The following SYNE2 variants were observed in gnomAD, a reference collection of about 807,000 sequenced individuals.
SYNE2 encodes the protein nesprin-2.
Under a neutral mutation model 856.3 loss-of-function variants are expected in SYNE2, and 431 were observed. The observed-to-expected ratio is 0.50, with a 90% CI of 0.47 to 0.55. The LOEUF is 0.55. Ranked by LOEUF, SYNE2 falls within the 20% of genes least tolerant of loss-of-function variation. The pLI is 0.00. For synonymous variants in SYNE2, 2,923 were observed against 2,872.3 expected (o/e 1.02, Z -0.56); for missense variants, 8,129 against 8,023.2 (o/e 1.01, Z -0.50).
In SYNE2 at chr14:63,862,109, A is replaced by G. The variant is rs560061450; in HGVS notation, c.-52+8966A>G. Among the ~76,000 whole-genome samples the G allele has an allele frequency of 5.3e-5, 8 of 152,322 alleles. No individual in the cohort carries two copies. In the South Asian group the frequency reaches 1.0e-3, roughly 20 times the overall value. On this transcript the variant is annotated intron_variant, in intron 1 of 115. Coordinates refer to ENST00000555002, the MANE Select transcript of SYNE2 (RefSeq NM_182914.3). ...ATAATTGGATTTTAAATTATTTGAG[A>G]TATTAAAGTGCTAGAAATGAATTTG... is the stretch of plus-strand genomic sequence containing the variant.
chr14:64,174,069 T>A (rs1262144520), intron 94 of SYNE2: 26 of 159,804 alleles, frequency 1.6e-4, no homozygotes, highest in Middle Eastern at 2.7e-3. Context: ...GTCTCTTAAA[T>A]TTTTTTTTTT....
chr14:63,820,159 C>G (rs148085325), intron 1 of SYNE2, among the ~76,000 whole-genome samples: 1 of 151,980 alleles, frequency 6.6e-6, no homozygotes, highest in Non-Finnish European at 1.5e-5. Context: ...AGTTGGAGAA[C>G]TGATACTATC....
intron 1 of SYNE2, among the ~76,000 whole-genome samples, chr14:63,814,892 A>ATATATATC (rs1888837907): frequency 1.5e-5 from 1 of 66,310 alleles, no homozygotes; most frequent in South Asian, 5.8e-4. Flanking sequence ...ATATATATCC[A>ATATATATC]TATATATATC....
chr14:63,944,823 G>GTTT (rs2095995950), intron 6 of SYNE2, among the ~76,000 whole-genome samples: 1 of 65,786 alleles, frequency 1.5e-5, no homozygotes, highest in African/African-American at 8.9e-5. Flanking sequence ...TGGGCTTAAA[G>GTTT]CTTTTTTTTT....
intron 51 of SYNE2, among the ~76,000 whole-genome samples, chr14:64,066,778 C>T (rs1004487072): frequency 2.6e-5 from 4 of 152,194 alleles, no homozygotes; most frequent in African/African-American, 7.2e-5. Flanking sequence ...CACCTGTTCT[C>T]ACTGAATCTT....
intron 2 of SYNE2, among the ~76,000 whole-genome samples, chr14:63,935,796 T>C (rs2095823377): frequency 6.6e-6 from 1 of 152,012 alleles, no homozygotes; most frequent in Non-Finnish European, 1.5e-5. Flanking sequence ...GGAAGATCAC[T>C]TCAGTCCAGG....
intron 1 of SYNE2, among the ~76,000 whole-genome samples, chr14:63,803,176 C>G (rs1888222289): frequency 1.3e-5 from 2 of 152,244 alleles, no homozygotes. Context: ...ACCTCCCCAC[C>G]AGACTCAGGA....
intron 1 of SYNE2, among the ~76,000 whole-genome samples, chr14:63,806,812 C>T (rs560998101): frequency 1.7e-5 from 2 of 121,080 alleles, no homozygotes; most frequent in African/African-American, 5.1e-5. Context: ...TGGATCTTCT[C>T]TCTCTTTTTT....
chr14:63,975,495 G>A (rs1357797176), intron 11 of SYNE2, among the ~76,000 whole-genome samples: 1 of 151,900 alleles, frequency 6.6e-6, no homozygotes, highest in Non-Finnish European at 1.5e-5. Flanking sequence ...ACCACTCCTG[G>A]CTAATTTTTG....
intron 96 of SYNE2, among the ~76,000 whole-genome samples, chr14:64,181,781 C>A (rs2098459315): frequency 6.6e-6 from 1 of 152,180 alleles, no homozygotes; most frequent in African/African-American, 2.4e-5. Context: ...ATTCCCACTA[C>A]AGCCACGTTG....
intron 76 of SYNE2, 53 bp from the exon 77 acceptor site, chr14:64,132,212 T>G: frequency 1.9e-6 from 3 of 1,601,538 alleles, no homozygotes; most frequent in East Asian, 2.2e-5. Flanking sequence ...AACTTGGTTT[T>G]TAAGAGTTTT....
In SYNE2 at chr14:63,960,799, A is replaced by C. The variant is rs1022943068; in HGVS notation, c.788-726A>C. 3 of 762,150 alleles carry C rather than the reference A, an allele frequency of 3.9e-6. No homozygotes were observed. In the African/African-American group the frequency reaches 5.1e-5, roughly 13 times the overall value. 47.2% of individuals were successfully genotyped at this position (762,150 alleles called of 1,614,324 possible). On this transcript the variant is annotated intron_variant, in intron 8 of 115. Transcript: ENST00000555002. Reference sequence around the variant, plus strand: ...CCTGGCACAGTGTCTTGTGCCAGCTACTTGTGAGGCTGAGATTGGAGGACT... The same window carrying C: ...CCTGGCACAGTGTCTTGTGCCAGCTCCTTGTGAGGCTGAGATTGGAGGACT...
At chr14:64,100,791 A>C (rs866641065) in intron 63 of SYNE2, among the ~76,000 whole-genome samples, 2 of 150,946 alleles carry the variant, frequency 1.3e-5, no homozygotes, top group Non-Finnish European at 3.0e-5. Flanking sequence ...CCTTTTTTTA[A>C]TGTCCTTTGA....
At chr14:64,155,715 C>T (rs2098280481) in intron 85 of SYNE2, among the ~76,000 whole-genome samples, 1 of 152,100 alleles carries the variant, frequency 6.6e-6, no homozygotes, top group Non-Finnish European at 1.5e-5. Flanking sequence ...TCGCTTGAGG[C>T]CAGGAGTTCA....
intron 8 of SYNE2, 121 bp from the exon 9 acceptor site, chr14:63,961,404 C>T (rs2153447372): frequency 1.3e-6 from 1 of 788,566 alleles, no homozygotes; most frequent in East Asian, 2.7e-5. Flanking sequence ...GGCTGGGTGA[C>T]TACTTTGGTG....
intron 10 of SYNE2, among the ~76,000 whole-genome samples, chr14:63,964,735 G>A (rs1484501499): frequency 1.3e-5 from 2 of 151,912 alleles, no homozygotes; most frequent in African/African-American, 4.8e-5. Flanking sequence ...TGTTGGTCAG[G>A]CTGGTCTCGA....
chr14:64,221,748 C>T (rs2098695192), intron 112 of SYNE2, 44 bp downstream of exon 112: 2 of 1,607,806 alleles, frequency 1.2e-6, no homozygotes, highest in Non-Finnish European at 1.7e-6. Flanking sequence ...CAGCCTCTGT[C>T]AGCCCCAGAG....
chr14:63,860,418 T>C (rs1272306500), intron 1 of SYNE2, among the ~76,000 whole-genome samples: 1 of 152,202 alleles, frequency 6.6e-6, no homozygotes, highest in Non-Finnish European at 1.5e-5. Flanking sequence ...AAACGTTGAG[T>C]TGAAAGATAA....
chr14:63,887,805 T>C (rs961611860), intron 1 of SYNE2, among the ~76,000 whole-genome samples: 19 of 141,688 alleles, frequency 1.3e-4, no homozygotes, highest in Non-Finnish European at 2.5e-4. Flanking sequence ...TAGGCTGGAG[T>C]GCATTGGTGC....
Sources: allele counts gnomAD v4.1 joint callset (sites outside exome capture counted in the v4.1 genomes callset), GRCh38; gene constraint gnomAD v4.1.1; transcripts MANE v1.5; gene names NCBI Gene and HGNC (gene_info 2026-07-23, HGNC 2026-07-21).